NAAA: variants seen among roughly 807,000 people sequenced by gnomAD.
NAAA encodes N-acylethanolamine acid amidase, also known as N-acylethanolamine-hydrolyzing acid amidase.
NAAA carries 39 observed loss-of-function variants against 44.8 expected under a neutral mutation model. The observed-to-expected ratio is 0.87, with a 90% CI of 0.67 to 1.14. NAAA has a LOEUF of 1.14. NAAA is among the 50% of genes most tolerant of loss of function. The probability of loss-of-function intolerance (pLI) is 0.00; values close to 1 mark genes in which losing one functional copy is unlikely to be tolerated. For missense variants in NAAA, 460 were observed against 467.8 expected, an observed-to-expected ratio of 0.98 and a Z score of 0.15; for synonymous variants, 178 against 191.3, an observed-to-expected ratio of 0.93 and a Z score of 0.58.
intron 8 of NAAA, 80 bp from the exon 9 acceptor site, chr4:75,918,869 G>A (rs1725877869): frequency 7.3e-7 from 1 of 1,367,222 alleles, no homozygotes; most frequent in Non-Finnish European, 1.0e-6. Context: ...AGGGCCGGGT[G>A]CAGTGGCTCA....
chr4:75,938,686 C>G (rs1384968177), intron 2 of NAAA, among the ~76,000 whole-genome samples: 1 of 152,106 alleles, frequency 6.6e-6, no homozygotes, highest in Non-Finnish European at 1.5e-5. Context: ...CAAGAGGTTA[C>G]GAGATGAAGC....
At chr4:75,932,177 C>T (rs1389330018) in intron 3 of NAAA, among the ~76,000 whole-genome samples, 1 of 152,060 alleles carries the variant, frequency 6.6e-6, no homozygotes, top group African/African-American at 2.4e-5. Context: ...TGCGGTGAAC[C>T]GAGATAGCGC....
rs964709791 is a variant in NAAA at position 75,938,791 on chromosome 4, T to C, written c.371+1210A>G. Among the ~76,000 whole-genome samples the C allele has an allele frequency of 5.9e-5, 9 of 152,226 alleles. No individual in the cohort carries two copies. The South Asian group carries it at 1.4e-3, about 24-fold the overall frequency. ...TATTACTGAGCCCATAAACCTTTAG[T>C]GGTCCCCTGCACTTTGCCTGGGATC... is the stretch of plus-strand genomic sequence containing the variant. On this transcript the variant is annotated intron_variant, in intron 2 of 10. Transcript: ENST00000286733.
chr4:75,940,378 T>A (rs1425290621), intron 1 of NAAA: 6 of 580,752 alleles, frequency 1.0e-5, no homozygotes, highest in African/African-American at 9.4e-5. Context: ...GTAAGAAAAC[T>A]CCGAATGGGG....
downstream of NAAA, among the ~76,000 whole-genome samples, chr4:75,912,912 C>T (rs773535001): frequency 6.6e-6 from 1 of 152,094 alleles, no homozygotes; most frequent in African/African-American, 2.4e-5. Flanking sequence ...GGTATTTATA[C>T]GACACTGTCC....
chr4:75,919,861 CA>C (rs761918297), intron 8 of NAAA, 47 bp downstream of exon 8: 4 of 1,531,550 alleles, frequency 2.6e-6, no homozygotes, highest in Non-Finnish European at 3.6e-6. Context: ...TCACTATTAA[CA>C]AAACACCAAA....
At chr4:75,917,196 G>A (rs1725707445) in intron 9 of NAAA, 4 of 587,274 alleles carry the variant, frequency 6.8e-6, no homozygotes, top group Middle Eastern at 8.4e-4. Flanking sequence ...CGCTATGAAG[G>A]GTACAGTCAA....
At chr4:75,931,141 T>A (rs1208774957) in intron 4 of NAAA, 73 bp downstream of exon 4, 3 of 1,201,250 alleles carry the variant, frequency 2.5e-6, no homozygotes, top group Non-Finnish European at 3.7e-6. Flanking sequence ...TTCTGTTGGG[T>A]GAGTGAAGGA....
Position 75,940,809 on chromosome 4 carries a change from G to C in NAAA, c.141C>G (p.Arg47=), listed in dbSNP as rs1008941394. 3 of 1,598,532 alleles carry C rather than the reference G, an allele frequency of 1.9e-6. No homozygotes were observed. In the African/African-American group the frequency reaches 4.0e-5, roughly 21 times the overall value. Residue 47 remains arginine, a synonymous_variant, in exon 1 of 11, where the codon CGC becomes CGG. Transcript: ENST00000286733. ...NVSLDSVPEL[R]WLPVLRHYDL... The stretch of plus-strand genomic sequence containing the variant: ...CGTAGTGCCGCAGCACGGGCAGCCA[G>C]CGCAGCTCGGGGACCGAGTCCAGGC...
At chr4:75,930,226 C>A in intron 4 of NAAA, among the ~76,000 whole-genome samples, 1 of 149,494 alleles carries the variant, frequency 6.7e-6, no homozygotes, top group Admixed American at 6.7e-5. Context: ...TTCAGCTGCA[C>A]GCTGAGGACA....
chr4:75,927,224 T>G (rs1726784065), intron 4 of NAAA, among the ~76,000 whole-genome samples: 1 of 148,902 alleles, frequency 6.7e-6, no homozygotes, highest in South Asian at 2.1e-4. Context: ...GAGACCAAAG[T>G]GGGTGGATCA....
chr4:75,927,633 G>GCCC (rs60371960), intron 4 of NAAA, among the ~76,000 whole-genome samples: 26 of 95,792 alleles, frequency 2.7e-4, no homozygotes, highest in Admixed American at 6.6e-4. Flanking sequence ...AATTTTTAAT[G>GCCC]CCCCCCCCCC....
chr4:75,912,688 C>T (rs754847253), downstream of NAAA, among the ~76,000 whole-genome samples: 6 of 152,072 alleles, frequency 3.9e-5, no homozygotes, highest in Admixed American at 1.3e-4. Flanking sequence ...ACACAAGAAT[C>T]GCTTGAACCC....
chr4:75,924,618 G>T (rs1042353824), intron 5 of NAAA, among the ~76,000 whole-genome samples: 1 of 152,168 alleles, frequency 6.6e-6, no homozygotes, highest in African/African-American at 2.4e-5. Context: ...TGCTTTGCTA[G>T]TTTGGATATT....
At chr4:75,918,899 T>G in intron 8 of NAAA, 110 bp from the exon 9 acceptor site, 1 of 1,032,856 alleles carries the variant, frequency 9.7e-7, no homozygotes, top group Non-Finnish European at 1.5e-6. Context: ...TCCCAGCACT[T>G]TGGGAAGCCG....
At chr4:75,925,593 A>C in intron 5 of NAAA, 142 bp downstream of exon 5, 2 of 740,990 alleles carry the variant, frequency 2.7e-6, no homozygotes, top group Non-Finnish European at 4.6e-6. Context: ...TTTATCAAAA[A>C]GATTTATATG....
chr4:75,918,852 T>C, intron 8 of NAAA, 63 bp from the exon 9 acceptor site: 7 of 1,490,422 alleles, frequency 4.7e-6, no homozygotes, highest in Non-Finnish European at 6.5e-6. Context: ...ACATAGAATA[T>C]CTATGGAGGG....
chr4:75,913,488 G>A (rs770183038), downstream of NAAA, among the ~76,000 whole-genome samples: 3 of 151,818 alleles, frequency 2.0e-5, no homozygotes, highest in Non-Finnish European at 4.4e-5. Flanking sequence ...TCATCCTCAA[G>A]GACATTTCTT....
At chr4:75,934,794 A>G (rs1026035070) in intron 3 of NAAA, 3 of 152,228 alleles carry the variant, frequency 2.0e-5, no homozygotes, top group African/African-American at 2.4e-5. Flanking sequence ...CTGAGTACTG[A>G]GAGTAAAACT....
Sources: gnomAD v4.1 joint callset for allele counts (sites outside exome capture counted in the v4.1 genomes callset) on GRCh38, gnomAD v4.1.1 for gene constraint, MANE v1.5 for transcripts, NCBI Gene and HGNC (gene_info 2026-07-23, HGNC 2026-07-21) for gene names.